Variants in FARP1 observed in about 807,000 individuals in gnomAD.
The protein encoded by FARP1 is FERM, ARHGEF and pleckstrin domain-containing protein 1.
In FARP1, 52 loss-of-function variants were observed where a neutral mutation model predicts 128.8. The ratio of observed to expected loss-of-function variants is 0.40; its 90% CI spans 0.32 to 0.51. The LOEUF is 0.51. Among genes scored for constraint, FARP1 ranks in the 20% least tolerant of loss-of-function variants. The probability of loss-of-function intolerance (pLI) is 0.45; values close to 1 mark genes in which losing one functional copy is unlikely to be tolerated. For missense variants in FARP1, 1,333 were observed against 1,367.9 expected, an observed-to-expected ratio of 0.97 and a Z score of 0.40; for synonymous variants, 580 against 551.8, an observed-to-expected ratio of 1.05 and a Z score of -0.72.
In FARP1 at chr13:98,395,261, G is replaced by A. The variant is rs374346994; in HGVS notation, c.1199G>A (p.Gly400Asp). Residue 400 changes from glycine to aspartate, a missense_variant, in exon 13 of 27, where the codon GGT becomes GAT. By Grantham distance (94) the Gly-to-Asp change is moderately conservative (BLOSUM62 -1). Transcript: ENST00000319562. Reference sequence around the variant, plus strand: ...AGCACCAGCCTTACATTTGGAGAAGGTGCCGAATCTCCAGGGGGCCAGAGC... The same window carrying A: ...AGCACCAGCCTTACATTTGGAGAAGATGCCGAATCTCCAGGGGGCCAGAGC... ...QQSTSLTFGE[G>D]AESPGGQSCR... 3.7e-6 allele frequency: 6 copies of A among 1,605,408 alleles called. No homozygotes were observed. The African/African-American group carries it at 6.7e-5, about 18-fold the overall frequency.
At chr13:98,446,062 C>G (rs1892813900) in intron 24 of FARP1, 36 bp from the exon 25 acceptor site, 5 of 1,423,292 alleles carry the variant, frequency 3.5e-6, no homozygotes, top group Non-Finnish European at 4.0e-6. Context: ...GGGGCAGGTG[C>G]CCGCTGTGCT....
intron 2 of FARP1, among the ~76,000 whole-genome samples, chr13:98,259,505 G>A (rs1483502847): frequency 6.6e-6 from 1 of 152,088 alleles, no homozygotes; most frequent in Non-Finnish European, 1.5e-5. Context: ...CTCAGGCTTG[G>A]CTCCAGAGGT....
intron 2 of FARP1, among the ~76,000 whole-genome samples, chr13:98,274,868 T>C (rs1884562301): frequency 1.3e-5 from 2 of 152,236 alleles, no homozygotes; most frequent in African/African-American, 4.8e-5. Context: ...TATCTGGACA[T>C]CAGGTAAATT....
chr13:98,172,174 G>A (rs998205901), intron 1 of FARP1, among the ~76,000 whole-genome samples: 5 of 152,000 alleles, frequency 3.3e-5, no homozygotes, highest in Non-Finnish European at 7.4e-5. Flanking sequence ...CTGATTAGCC[G>A]TGAATGAGAC....
At chr13:98,277,109 T>TACACACACACACACACACAC (rs368911842) in intron 2 of FARP1, among the ~76,000 whole-genome samples, 8,581 of 117,976 alleles carry the variant, frequency 0.073, 564 homozygotes, top group Admixed American at 0.077. Context: ...TCTAGAAAAA[T>TACACACACACACACACACAC]ACACACACAC....
At position 98,201,053 on chromosome 13, in the gene FARP1, G is replaced by A. The variant is rs150504885; in HGVS notation, c.-23-12167G>A. On this transcript the variant is annotated intron_variant, in intron 1 of 26. Coordinates refer to ENST00000319562, the MANE Select transcript of FARP1 (RefSeq NM_005766.4). ...TTGGGGACATTCCAATTCTCTTCTAGCTCTTTTGAAATAGATAACACATTA... is the reference window on the plus strand; with the variant it reads ...TTGGGGACATTCCAATTCTCTTCTAACTCTTTTGAAATAGATAACACATTA... Among the ~76,000 whole-genome samples, 29 of 152,220 alleles carry A rather than the reference G, an allele frequency of 1.9e-4. No individual in the cohort carries two copies. In the East Asian group the frequency reaches 4.6e-3, roughly 24 times the overall value.
At chr13:98,308,011 T>G (rs1302171064) in intron 2 of FARP1, among the ~76,000 whole-genome samples, 2 of 92,278 alleles carry the variant, frequency 2.2e-5, no homozygotes, top group South Asian at 4.1e-4. Context: ...CCTGCCCCCC[T>G]CCGCCCGCCC....
intron 1 of FARP1, among the ~76,000 whole-genome samples, chr13:98,173,981 G>A (rs1368112751): frequency 1.8e-4 from 27 of 152,180 alleles, no homozygotes; most frequent in Non-Finnish European, 3.5e-4. Context: ...GTGATGGGAA[G>A]GACTCAGCTC....
chr13:98,396,916 G>A (rs116282549), intron 13 of FARP1: 1 of 155,060 alleles, frequency 6.4e-6, no homozygotes, highest in African/African-American at 2.4e-5. Context: ...TACAGAAAAG[G>A]GTTTCCCATT....
chr13:98,424,489 A>AGC (rs1891704942), intron 16 of FARP1, 83 bp from the exon 17 acceptor site: 4 of 854,882 alleles, frequency 4.7e-6, no homozygotes, highest in Non-Finnish European at 8.1e-6. Flanking sequence ...TTGGAAAGGA[A>AGC]GCGGTAGGCT....
chr13:98,392,157 T>G (rs1890327719), intron 11 of FARP1, among the ~76,000 whole-genome samples: 1 of 151,838 alleles, frequency 6.6e-6, no homozygotes, highest in Non-Finnish European at 1.5e-5. Flanking sequence ...CTCCTTTCTG[T>G]ATGCATATTA....
At chr13:98,214,094 A>C (rs1273444925) in intron 2 of FARP1, among the ~76,000 whole-genome samples, 4 of 152,198 alleles carry the variant, frequency 2.6e-5, no homozygotes, top group African/African-American at 7.2e-5. Flanking sequence ...GCCCCTCAGC[A>C]GCTGGAGCCG....
At chr13:98,350,409 A>T (rs1411108947) in intron 3 of FARP1, among the ~76,000 whole-genome samples, 1 of 152,184 alleles carries the variant, frequency 6.6e-6, no homozygotes, top group Non-Finnish European at 1.5e-5. Flanking sequence ...CTCTGTCCGT[A>T]CTTACAGTGT....
chr13:98,170,532 A>AT (rs1392758443), intron 1 of FARP1, among the ~76,000 whole-genome samples: 1 of 149,610 alleles, frequency 6.7e-6, no homozygotes, highest in Non-Finnish European at 1.5e-5. Context: ...AATTTTTTGT[A>AT]TTTTTAGTAG....
At chr13:98,417,067 G>A (rs188863808) in intron 16 of FARP1, among the ~76,000 whole-genome samples, 2 of 152,266 alleles carry the variant, frequency 1.3e-5, no homozygotes, top group African/African-American at 4.8e-5. Context: ...GGAGAGGGGA[G>A]GCCACCTAGA....
chr13:98,351,281 T>G (rs1888410172), intron 3 of FARP1, among the ~76,000 whole-genome samples: 1 of 152,212 alleles, frequency 6.6e-6, no homozygotes, highest in Admixed American at 6.5e-5. Flanking sequence ...CCATTTGTGT[T>G]GCTATAAGTA....
At chr13:98,412,879 T>G (rs140717035) in intron 16 of FARP1, among the ~76,000 whole-genome samples, 9 of 152,034 alleles carry the variant, frequency 5.9e-5, no homozygotes, top group Non-Finnish European at 2.9e-5. Flanking sequence ...CAGGAGAAAA[T>G]AGCAAAAAGT....
intron 1 of FARP1, among the ~76,000 whole-genome samples, chr13:98,207,481 TCTGAGCAC>T (rs1880339794): frequency 6.6e-6 from 1 of 151,826 alleles, no homozygotes; most frequent in Admixed American, 6.6e-5. Flanking sequence ...GCAGGGAGGG[TCTGAGCAC>T]CTTTAGGCTG....
chr13:98,241,107 G>A (rs755060878), intron 2 of FARP1, among the ~76,000 whole-genome samples: 6 of 152,220 alleles, frequency 3.9e-5, no homozygotes, highest in Non-Finnish European at 8.8e-5. Context: ...GTCGTATGGG[G>A]TGAACGAAAT....
Sources: gnomAD v4.1 joint callset for allele counts (sites outside exome capture counted in the v4.1 genomes callset) on GRCh38, gnomAD v4.1.1 for gene constraint, MANE v1.5 for transcripts, NCBI Gene and HGNC (gene_info 2026-07-23, HGNC 2026-07-21) for gene names.